ERCC6: variants seen among roughly 807,000 people sequenced by gnomAD.
ERCC6 encodes ERCC excision repair 6, chromatin remodeling factor.
A neutral mutation model predicts 158.7 loss-of-function variants in ERCC6; 116 were observed. That is an observed-to-expected ratio of 0.73 (90% CI 0.63 to 0.85). The LOEUF is 0.85. Ranked by LOEUF, ERCC6 falls within the 40% of genes least tolerant of loss-of-function variation. ERCC6 has a pLI of 0.00. For missense variants in ERCC6, 1,698 were observed against 1,799.4 expected, an observed-to-expected ratio of 0.94 and a Z score of 1.02; for synonymous variants, 678 against 659.3, an observed-to-expected ratio of 1.03 and a Z score of -0.43.
chr10:49,441,947 G>C, the ERCC6 span, among the ~76,000 whole-genome samples: 1 of 152,230 alleles, frequency 6.6e-6, no homozygotes, highest in Non-Finnish European at 1.5e-5. Flanking sequence ...TGTGAGTTGA[G>C]CCCAAAAACT....
chr10:49,454,646 T>C lies in ERCC6; in HGVS notation c.*4169A>G, dbSNP rs1006934292. ...GTCCACAGGGCCCTTCACATTGCCA[T>C]TCTGGAAGTGAAAATCTAAAAGATA... On this transcript the variant is annotated 3_prime_UTR_variant, in exon 21 of 21. Transcript: ENST00000355832. Among the ~76,000 whole-genome samples the C allele has an allele frequency of 6.6e-6, 1 of 151,478 alleles. No homozygotes were observed. The highest frequency in any genetic ancestry group is 2.5e-5 in the African/African-American group (1 of 40,746).
chr10:49,499,201 TAAC>T (rs577168011), intron 7 of ERCC6, among the ~76,000 whole-genome samples: 9 of 152,342 alleles, frequency 5.9e-5, no homozygotes, highest in East Asian at 3.9e-4. Context: ...AACTTCCTTG[TAAC>T]AACAACAACA....
intron 15 of ERCC6, 179 bp from the exon 16 acceptor site, chr10:49,472,649 C>G: frequency 2.7e-6 from 2 of 744,356 alleles, no homozygotes; most frequent in Non-Finnish European, 4.5e-6. Flanking sequence ...AAAGACATCT[C>G]TACTTGAAAA....
intron 8 of ERCC6, among the ~76,000 whole-genome samples, chr10:49,489,091 CT>C (rs1173325298): frequency 6.6e-6 from 1 of 152,206 alleles, no homozygotes; most frequent in Non-Finnish European, 1.5e-5. Flanking sequence ...CCATTATTTG[CT>C]TTTTTAACCA....
chr10:49,482,976 T>C lies in ERCC6; in HGVS notation c.1993-113A>G, dbSNP rs1038448453. On this transcript the variant is annotated intron_variant, in intron 9 of 20. Coordinates refer to ENST00000355832, the MANE Select transcript of ERCC6 (RefSeq NM_000124.4). ...TACACATTTACTCATCATTCTTGCA[T>C]CATTTTGGTACTCTCCAAAACATAC... is the stretch of plus-strand genomic sequence containing the variant. 2.7e-6 allele frequency: 3 copies of C among 1,120,924 alleles called. No homozygotes were observed. The Admixed American group carries it at 5.8e-5, about 22-fold the overall frequency. 69.4% of individuals were successfully genotyped at this position (1,120,924 alleles called of 1,614,324 possible).
At chr10:49,479,151 C>T (rs1850932255) in intron 10 of ERCC6, among the ~76,000 whole-genome samples, 2 of 150,508 alleles carry the variant, frequency 1.3e-5, no homozygotes, top group Non-Finnish European at 3.0e-5. Context: ...ACTCCCTCTG[C>T]AATTCACTTA....
the ERCC6 span, among the ~76,000 whole-genome samples, chr10:49,437,990 GC>G: frequency 3.9e-5 from 6 of 152,160 alleles, no homozygotes; most frequent in Non-Finnish European, 8.8e-5. Flanking sequence ...CAATGTAAAT[GC>G]TAGGCAAATA....
Position 49,524,746 on chromosome 10 carries a change from G to T in ERCC6, c.684C>A (p.Leu228=). ...CCCAGGCAGTCTCCTGGACAGGCAT[G>T]AGCATGCTGCCAAGACTGGATGGCC... The part of the protein sequence containing the change: ...EPGPSSLGSM[L]MPVQETAWEE... The change falls in exon 5 of 21, where the codon CTC becomes CTA. Residue 228 remains leucine (L), a synonymous_variant. Coordinates refer to ENST00000355832, the MANE Select transcript of ERCC6 (RefSeq NM_000124.4). The T allele has an allele frequency of 6.2e-7, 1 of 1,603,998 alleles. No homozygotes were observed. Among genetic ancestry groups the T allele is most frequent in the South Asian group, 1.1e-5 (1 of 91,076 alleles).
At chr10:49,521,559 C>CAA (rs1590468990) in intron 5 of ERCC6, among the ~76,000 whole-genome samples, 1 of 152,210 alleles carries the variant, frequency 6.6e-6, no homozygotes, top group East Asian at 1.9e-4. Context: ...GTATGTTTTA[C>CAA]AAGACCTGTA....
chr10:49,483,308 C>T, intron 9 of ERCC6, 38 bp downstream of exon 9: 2 of 1,598,980 alleles, frequency 1.3e-6, no homozygotes, highest in Non-Finnish European at 1.7e-6. Flanking sequence ...AATTATTCTT[C>T]TCCACTTGGA....
rs181146900 is a variant in ERCC6 at position 49,514,933 on chromosome 10, G to T, written c.1398-8921C>A. On this transcript the variant is annotated intron_variant, in intron 5 of 20. Coordinates refer to ENST00000355832, the MANE Select transcript of ERCC6 (RefSeq NM_000124.4). ...TAAACTTAATTGGCAAATCTGAGCA[G>T]ATGAAATACCCTCAGTTAGGAGTGC... 3.3e-5 allele frequency among the ~76,000 whole-genome samples: 5 copies of T among 152,284 alleles called. No homozygotes were observed. The East Asian group carries it at 9.6e-4, about 29-fold the overall frequency.
chr10:49,440,149 T>C, the ERCC6 span, among the ~76,000 whole-genome samples: 2 of 152,200 alleles, frequency 1.3e-5, no homozygotes, highest in African/African-American at 4.8e-5. Flanking sequence ...CAACTGACTG[T>C]ATTAGTCCAT....
At chr10:49,443,142 A>C in the ERCC6 span, among the ~76,000 whole-genome samples, 1 of 152,216 alleles carries the variant, frequency 6.6e-6, no homozygotes, top group Non-Finnish European at 1.5e-5. Flanking sequence ...ATTGAATGGG[A>C]AACTGAATTC....
chr10:49,519,262 G>A (rs1040694625), intron 5 of ERCC6, among the ~76,000 whole-genome samples: 7 of 152,290 alleles, frequency 4.6e-5, no homozygotes, highest in South Asian at 4.1e-4. Context: ...GGGCCCAGCC[G>A]ACTTCAAATC....
chr10:49,499,868 T>C (rs1426666940), intron 7 of ERCC6, among the ~76,000 whole-genome samples: 1 of 152,206 alleles, frequency 6.6e-6, no homozygotes, highest in Non-Finnish European at 1.5e-5. Context: ...CATCTAAACA[T>C]AGTTTTCTAC....
chr10:49,469,514 A>G (rs1850734811), intron 18 of ERCC6, among the ~76,000 whole-genome samples: 1 of 152,228 alleles, frequency 6.6e-6, no homozygotes, highest in Non-Finnish European at 1.5e-5. Context: ...CAACTGATTT[A>G]AGTTTGAAAT....
intron 8 of ERCC6, among the ~76,000 whole-genome samples, chr10:49,484,342 A>C (rs1851039828): frequency 6.6e-6 from 1 of 152,088 alleles, no homozygotes; most frequent in Non-Finnish European, 1.5e-5. Context: ...AATGGAGCCG[A>C]GATTTGAATC....
the ERCC6 span, among the ~76,000 whole-genome samples, chr10:49,440,375 T>C: frequency 3.3e-5 from 5 of 152,110 alleles, no homozygotes; most frequent in African/African-American, 1.2e-4. Context: ...ACCATGAGAA[T>C]AGCATGGGAA....
intron 5 of ERCC6, among the ~76,000 whole-genome samples, chr10:49,511,814 T>C (rs1836823504): frequency 6.6e-6 from 1 of 152,108 alleles, no homozygotes; most frequent in Non-Finnish European, 1.5e-5. Context: ...AGATTTAAGA[T>C]AACCACAGAG....
Sources: allele counts gnomAD v4.1 joint callset (sites outside exome capture counted in the v4.1 genomes callset), GRCh38; gene constraint gnomAD v4.1.1; transcripts MANE v1.5; gene names NCBI Gene and HGNC (gene_info 2026-07-23, HGNC 2026-07-21).